DLG2: variants seen among roughly 807,000 people sequenced by gnomAD.
The protein encoded by DLG2 is disks large homolog 2.
A neutral mutation model predicts 132.5 loss-of-function variants in DLG2; 45 were observed. The ratio of observed to expected loss-of-function variants is 0.34; its 90% CI spans 0.27 to 0.44. The LOEUF (loss-of-function observed/expected upper bound fraction) is 0.44. DLG2 is among the 20% of genes least tolerant of loss of function. The pLI, the probability that DLG2 is intolerant of heterozygous loss-of-function variation, is 1.00. For missense variants in DLG2, 1,045 were observed against 1,196.9 expected (o/e 0.87, Z 1.87); for synonymous variants, 424 against 419.6 (o/e 1.01, Z -0.13).
Position 84,750,982 on chromosome 11 carries a change from A to G in DLG2, c.358-216251T>C, listed in dbSNP as rs573330871. 1.6e-3 allele frequency among the ~76,000 whole-genome samples: 240 copies of G among 152,308 alleles called. 1 individual carries two copies. Among genetic ancestry groups the G allele is most frequent in the African/African-American group, 5.4e-3 (226 of 41,586 alleles). ...AGGCATTGAGGTATCCTATTAAGTCAAGAATTTACCTGTTATTGGCAATGT... is the reference window on the plus strand; with the variant it reads ...AGGCATTGAGGTATCCTATTAAGTCGAGAATTTACCTGTTATTGGCAATGT... On this transcript the variant is annotated intron_variant, in intron 6 of 27. Transcript: ENST00000376104.
chr11:85,545,775 A>C (rs1203307421), intron 3 of DLG2, among the ~76,000 whole-genome samples: 1 of 152,138 alleles, frequency 6.6e-6, no homozygotes, highest in East Asian at 1.9e-4. Flanking sequence ...TTTCATTTGC[A>C]TAGAGGTGTT....
intron 7 of DLG2, among the ~76,000 whole-genome samples, chr11:84,279,243 A>G (rs1240937031): frequency 1.3e-5 from 2 of 152,240 alleles, no homozygotes; most frequent in Non-Finnish European, 2.9e-5. Context: ...CATTAGAGAA[A>G]TGCAAATCAA....
At chr11:84,006,720 T>C (rs2094590059) in intron 11 of DLG2, among the ~76,000 whole-genome samples, 2 of 151,690 alleles carry the variant, frequency 1.3e-5, no homozygotes, top group East Asian at 3.9e-4. Flanking sequence ...TGTTCTCTTT[T>C]TATAATAAAG....
intron 3 of DLG2, among the ~76,000 whole-genome samples, chr11:85,302,606 G>T (rs889818547): frequency 6.6e-6 from 1 of 150,720 alleles, no homozygotes; most frequent in African/African-American, 2.4e-5. Context: ...TACACAGGTG[G>T]TGATAGGCTA....
At position 84,151,245 on chromosome 11, in the gene DLG2, C is replaced by T. The variant is rs544108309; in HGVS notation, c.624+12216G>A. Among the ~76,000 whole-genome samples the T allele has an allele frequency of 1.2e-4, 18 of 151,218 alleles. 1 individual carries two copies. The South Asian group carries it at 3.6e-3, about 30-fold the overall frequency. On this transcript the variant is annotated intron_variant, in intron 9 of 27. Coordinates refer to ENST00000376104, the MANE Select transcript of DLG2 (RefSeq NM_001142699.3). ...AGTTTCAGAACTTATTATTGGGCTA[C>T]CTAGGGTTTCAAATTCTTCTTGGTT...
chr11:85,310,001 T>C (rs1393340433), intron 3 of DLG2, among the ~76,000 whole-genome samples: 1 of 152,172 alleles, frequency 6.6e-6, no homozygotes. Context: ...GCTGATACAA[T>C]CATTTTAGAA....
rs181608649 is a variant in DLG2 at position 84,449,669 on chromosome 11, T to A, written c.519+84901A>T. Among the ~76,000 whole-genome samples the A allele has an allele frequency of 1.4e-4, 22 of 152,026 alleles. No homozygotes were observed. The East Asian group carries it at 3.9e-3, about 27-fold the overall frequency. On this transcript the variant is annotated intron_variant, in intron 7 of 27. Transcript: ENST00000376104. ...GTATTGGTCTAACATCAGCCATTTT[T>A]AAAATGTTTACATACTATCTTTATT...
At chr11:84,600,159 G>GGAAAGAAGGAAAGAAGGAAAGAAGGAAA (rs1555082762) in intron 6 of DLG2, among the ~76,000 whole-genome samples, 37 of 96,124 alleles carry the variant, frequency 3.8e-4, no homozygotes, top group African/African-American at 1.3e-3. Context: ...AAAGAAAGAA[G>GGAAAGAAGGAAAGAAGGAAAGAAGGAAA]GAAAGAAAGA....
intron 6 of DLG2, among the ~76,000 whole-genome samples, chr11:84,845,344 C>T (rs2081320618): frequency 6.6e-6 from 1 of 152,016 alleles, no homozygotes; most frequent in South Asian, 2.1e-4. Context: ...GGGCCAGGTA[C>T]AATTTTAGGT....
intron 3 of DLG2, among the ~76,000 whole-genome samples, chr11:85,544,182 G>C (rs181797676): frequency 1.3e-5 from 2 of 152,160 alleles, no homozygotes; most frequent in Non-Finnish European, 2.9e-5. Flanking sequence ...GTATAAGGAA[G>C]GGATCCAGTT....
chr11:84,579,922 G>T (rs1262660878), intron 6 of DLG2, among the ~76,000 whole-genome samples: 2 of 152,164 alleles, frequency 1.3e-5, no homozygotes, highest in Non-Finnish European at 2.9e-5. Context: ...GAGATGTCTG[G>T]GATAACTCCC....
intron 9 of DLG2, among the ~76,000 whole-genome samples, chr11:84,139,321 A>G (rs1016349308): frequency 8.5e-5 from 13 of 152,112 alleles, no homozygotes; most frequent in Non-Finnish European, 1.6e-4. Flanking sequence ...TTTATAAAAT[A>G]TGATAACATT....
At chr11:85,244,515 G>A (rs1264997841) in intron 4 of DLG2, among the ~76,000 whole-genome samples, 1 of 151,896 alleles carries the variant, frequency 6.6e-6, no homozygotes, top group Non-Finnish European at 1.5e-5. Context: ...TGAAATGAAT[G>A]GGCAACCATA....
At position 84,567,349 on chromosome 11, in the gene DLG2, G is replaced by A. The variant is rs182768151; in HGVS notation, c.358-32618C>T. Among the ~76,000 whole-genome samples the A allele has an allele frequency of 3.2e-4, 48 of 152,246 alleles. 1 individual carries two copies. The highest frequency in any genetic ancestry group is 1.2e-3 in the African/African-American group (48 of 41,560). On this transcript the variant is annotated intron_variant, in intron 6 of 27. Transcript: ENST00000376104. The stretch of plus-strand genomic sequence containing the variant: ...GCTGAAAAGTATGCTACTGGATGAC[G>A]AATCAATTGTGTCTAGGGAAGAAGA...
chr11:84,747,752 T>C (rs2065567725), intron 6 of DLG2, among the ~76,000 whole-genome samples: 1 of 152,100 alleles, frequency 6.6e-6, no homozygotes, highest in Non-Finnish European at 1.5e-5. Flanking sequence ...TACATACTTC[T>C]TATATGTGCT....
At chr11:85,519,538 T>C (rs2074109154) in intron 3 of DLG2, among the ~76,000 whole-genome samples, 1 of 152,192 alleles carries the variant, frequency 6.6e-6, no homozygotes, top group South Asian at 2.1e-4. Context: ...ACTAGCTTGC[T>C]TTTGATTTTA....
At chr11:84,812,434 A>T (rs971977000) in intron 6 of DLG2, among the ~76,000 whole-genome samples, 1 of 152,056 alleles carries the variant, frequency 6.6e-6, no homozygotes, top group Non-Finnish European at 1.5e-5. Flanking sequence ...GCACAATAAA[A>T]TTTTTTTAAA....
chr11:84,369,844 C>G (rs1472367011), intron 7 of DLG2, among the ~76,000 whole-genome samples: 2 of 152,028 alleles, frequency 1.3e-5, no homozygotes, highest in African/African-American at 4.8e-5. Flanking sequence ...GACCATGTGC[C>G]AGGAGCATGC....
Position 84,934,078 on chromosome 11 carries a change from T to C in DLG2, c.357+177583A>G, listed in dbSNP as rs767346134. On this transcript the variant is annotated intron_variant, in intron 6 of 27. Transcript: ENST00000376104. ...TTGAGTTTTTAAAGAATTTTTAACA[T>C]GAATGGATGTTGAATTTTATTGAAA... Among the ~76,000 whole-genome samples the C allele has an allele frequency of 2.0e-5, 3 of 152,322 alleles. No individual in the cohort carries two copies. In the South Asian group the frequency reaches 6.2e-4, roughly 32 times the overall value.
Sources: gnomAD v4.1 joint callset for allele counts (sites outside exome capture counted in the v4.1 genomes callset) on GRCh38, gnomAD v4.1.1 for gene constraint, MANE v1.5 for transcripts, NCBI Gene and HGNC (gene_info 2026-07-23, HGNC 2026-07-21) for gene names.